Variants in MEGF6 observed in about 807,000 individuals in gnomAD.
The protein encoded by MEGF6 is multiple EGF like domains 6.
In MEGF6, 184 loss-of-function variants were observed where a neutral mutation model predicts 207.1. The ratio of observed to expected loss-of-function variants is 0.89; its 90% confidence interval spans 0.79 to 1.00. MEGF6 has a LOEUF of 1.00. MEGF6 is among the 50% of genes least tolerant of loss of function. The pLI is 0.00. For missense variants in MEGF6, 2,282 were observed against 2,202.9 expected, an observed-to-expected ratio of 1.04 and a Z score of -0.72; for synonymous variants, 1,038 against 910.0, an observed-to-expected ratio of 1.14 and a Z score of -2.53.
chr1:3,610,264 T>G (rs1283427525), intron 1 of MEGF6, among the ~76,000 whole-genome samples: 1 of 152,240 alleles, frequency 6.6e-6, no homozygotes, highest in Non-Finnish European at 1.5e-5. Context: ...CCCAGCCAGC[T>G]GCAGCTTGGT....
Position 3,490,360 on chromosome 1 carries a change from G to A in MEGF6, c.*168C>T, listed in dbSNP as rs539233794. 546 of 720,464 alleles carry A rather than the reference G, an allele frequency of 7.6e-4. 12 individuals are homozygous for A. In the South Asian group the frequency reaches 9.5e-3, roughly 13 times the overall value. The allele number at this position is 720,464 out of a possible 1,614,324, so 44.6% of individuals were successfully genotyped here. ...GGCTTCCCTCCTCAAGGCCACACCA[G>A]CCTCCAAGAGCGACAGGTTGCTGGG... is the stretch of plus-strand genomic sequence containing the variant. On this transcript the variant is annotated 3_prime_UTR_variant, in exon 37 of 37. Coordinates refer to ENST00000356575, the MANE Select transcript of MEGF6 (RefSeq NM_001409.4).
intron 14 of MEGF6, among the ~76,000 whole-genome samples, chr1:3,507,082 A>T (rs1170485863): frequency 3.3e-5 from 5 of 152,132 alleles, no homozygotes; most frequent in Admixed American, 3.3e-4. Flanking sequence ...GACAGGGAAG[A>T]GGTAGGAAGC....
At chr1:3,504,565 C>CA (rs1415571405) in intron 17 of MEGF6, among the ~76,000 whole-genome samples, 1 of 152,058 alleles carries the variant, frequency 6.6e-6, no homozygotes, top group Non-Finnish European at 1.5e-5. Context: ...CCCCCAGCCC[C>CA]ACGCACGCTG....
Position 3,595,444 on chromosome 1 carries a change from G to T in MEGF6, c.270C>A (p.Thr90=), listed in dbSNP as rs112138743. ...CCTGCCTGTAGCCCATGTAGTAGAC[G>T]GTTCTAGAAAGAAAGAGAGAAGGGA... ...QAWCVGHERR[T]VYYMGYRQVY... The change falls in exon 3 of 37, where the codon ACC becomes ACA. Residue 90 remains threonine (T), a synonymous_variant. Transcript: ENST00000356575. 15,969 of 1,611,814 alleles carry T rather than the reference G, an allele frequency of 9.9e-3. 88 individuals are homozygous for T. The highest frequency in any genetic ancestry group is 0.012 in the Non-Finnish European group (14,023 of 1,179,144).
At chr1:3,624,015 G>A in the MEGF6 span, among the ~76,000 whole-genome samples, 2 of 152,090 alleles carry the variant, frequency 1.3e-5, no homozygotes, top group Non-Finnish European at 2.9e-5. Context: ...ATTCTAAACC[G>A]TCCATCTTTA....
chr1:3,577,671 G>A (rs537969293), intron 4 of MEGF6, among the ~76,000 whole-genome samples: 11 of 152,330 alleles, frequency 7.2e-5, no homozygotes, highest in East Asian at 3.9e-4. Flanking sequence ...CCCAGGCACC[G>A]TGAGAGTCTG....
At chr1:3,524,011 G>A in intron 5 of MEGF6, 113 bp downstream of exon 5, 2 of 1,246,484 alleles carry the variant, frequency 1.6e-6, no homozygotes, top group Non-Finnish European at 2.2e-6. Context: ...TGCCAGAGCG[G>A]CCTCTGCCTC....
intron 17 of MEGF6, among the ~76,000 whole-genome samples, chr1:3,504,264 C>T (rs915321666): frequency 3.0e-4 from 45 of 152,326 alleles, no homozygotes; most frequent in Admixed American, 9.1e-4. Flanking sequence ...GGACAGCGTG[C>T]GCCATGCCAA....
chr1:3,519,983 G>A (rs925546485), intron 5 of MEGF6, among the ~76,000 whole-genome samples: 2 of 152,242 alleles, frequency 1.3e-5, no homozygotes, highest in Non-Finnish European at 2.9e-5. Context: ...GGAGGGGATG[G>A]CCAGGCCACC....
Position 3,490,529 on chromosome 1 carries a change from T to G in MEGF6, c.4625A>C (p.Ter1542SerextTer1). Residue 1542 changes from the stop codon to serine (S), a stop_lost, in exon 37 of 37, where the codon TAG (stop) becomes TCG (serine). Transcript: ENST00000356575. ...TSRSGGPARH* is the reference protein window; with the variant it reads ...TSRSGGPARHS ...GCGGGCTCCACGGGACTGCCTCTACTAGTGCCTCGCTGGTCCACCGCTCCG... is the reference window on the plus strand; with the variant it reads ...GCGGGCTCCACGGGACTGCCTCTACGAGTGCCTCGCTGGTCCACCGCTCCG... 3 of 1,612,912 alleles carry G rather than the reference T, an allele frequency of 1.9e-6. No homozygotes were observed. Among genetic ancestry groups the G allele is most frequent in the Non-Finnish European group, 2.5e-6 (3 of 1,179,792 alleles).
intron 5 of MEGF6, among the ~76,000 whole-genome samples, chr1:3,520,725 G>T (rs867403595): frequency 6.6e-6 from 1 of 152,206 alleles, no homozygotes; most frequent in Non-Finnish European, 1.5e-5. Context: ...GTAGATTCTC[G>T]CTTTTGAGAG....
At chr1:3,584,972 T>C (rs1643871818) in intron 3 of MEGF6, among the ~76,000 whole-genome samples, 1 of 152,260 alleles carries the variant, frequency 6.6e-6, no homozygotes, top group Non-Finnish European at 1.5e-5. Flanking sequence ...AAGGAGGTTC[T>C]GGGCCAGGTG....
At chr1:3,500,501 G>C in intron 21 of MEGF6, 132 bp downstream of exon 21, 1 of 1,317,570 alleles carries the variant, frequency 7.6e-7, no homozygotes, top group South Asian at 1.5e-5. Flanking sequence ...ACAGGAGGGG[G>C]CGCGGCCAAA....
chr1:3,517,050 G>C (rs1156818279), intron 5 of MEGF6, among the ~76,000 whole-genome samples: 1 of 152,250 alleles, frequency 6.6e-6, no homozygotes, highest in Admixed American at 6.5e-5. Flanking sequence ...AGCCACTACC[G>C]TGGCTCCAGG....
Position 3,509,203 on chromosome 1 carries a change from A to C in MEGF6, c.1400T>G (p.Phe467Cys). The change falls in exon 12 of 37, where the codon TTC becomes TGC. Residue 467 changes from phenylalanine (F) to cysteine (C), a missense_variant. By Grantham distance (205) the Phe-to-Cys change is radical. Transcript: ENST00000356575. The stretch of plus-strand genomic sequence containing the variant: ...GGCAATGTGGGGCAGGGGCCGCACG[A>C]AAGGCAGCTCGCCGTCCAGGTCCAC... ...PMVDLDGELP[F>C]VRPLPHIAVL... is the part of the protein sequence containing the mutation. The C allele has an allele frequency of 6.4e-7, 1 of 1,561,914 alleles. No homozygotes were observed. Among genetic ancestry groups the C allele is most frequent in the South Asian group, 1.2e-5 (1 of 85,266 alleles).
the MEGF6 span, among the ~76,000 whole-genome samples, chr1:3,618,531 T>C: frequency 6.6e-6 from 1 of 152,168 alleles, no homozygotes; most frequent in East Asian, 1.9e-4. The surrounding 1 kb of genome is among the most constrained non-coding windows in gnomAD (Gnocchi z 4.7). Context: ...CTTTGAGAAC[T>C]GCACGAGAAT....
Position 3,512,146 on chromosome 1 carries a change from C to A in MEGF6, c.854-18G>T. 6.3e-7 allele frequency: 1 copy of A among 1,589,644 alleles called. No individual in the cohort carries two copies. ...GTCCACATCTGGAGGGGAGAGACCA[C>A]AGGGAGGGCTCAGAGGTGCCAGGAA... On this transcript the variant is annotated intron_variant, in intron 7 of 36. Transcript: ENST00000356575.
rs1381622349 is a variant in MEGF6, at chr1:3,495,878, G to A, written c.3871+12C>T. Reference sequence around the variant, plus strand: ...AGGGCCTGTGAGCATGCCCTCTGGAGTGAACACTCACCTCGCTCACAGCGG... The same window carrying A: ...AGGGCCTGTGAGCATGCCCTCTGGAATGAACACTCACCTCGCTCACAGCGG... On this transcript the variant is annotated intron_variant, in intron 30 of 36. Transcript: ENST00000356575. The A allele has an allele frequency of 1.9e-6, 3 of 1,597,884 alleles. No individual in the cohort carries two copies. Among genetic ancestry groups the A allele is most frequent in the Middle Eastern group, 3.3e-4 (2 of 6,044 alleles).
At chr1:3,542,058 C>T (rs1053506623) in intron 4 of MEGF6, among the ~76,000 whole-genome samples, 2 of 152,238 alleles carry the variant, frequency 1.3e-5, no homozygotes, top group South Asian at 2.1e-4. Flanking sequence ...CGCCTGCTTC[C>T]GCCCAGACCC....
Sources: gnomAD v4.1 joint callset for allele counts (sites outside exome capture counted in the v4.1 genomes callset) on GRCh38, gnomAD v4.1.1 for gene constraint, Gnocchi (gnomAD v3.1) non-coding constraint, MANE v1.5 for transcripts, NCBI Gene and HGNC (gene_info 2026-07-23, HGNC 2026-07-21) for gene names.